The following SHCBP1L variants were observed in gnomAD, a reference collection of about 807,000 sequenced individuals.
SHCBP1L encodes SHC binding and spindle associated 1 like.
In SHCBP1L, 67 loss-of-function variants were observed where a neutral mutation model predicts 62.5. That is an observed-to-expected ratio of 1.07 (90% CI 0.88 to 1.31). The LOEUF (loss-of-function observed/expected upper bound fraction) is 1.31. SHCBP1L is among the 40% of genes most tolerant of loss of function. SHCBP1L has a pLI of 0.00. For missense variants in SHCBP1L, 823 were observed against 809.8 expected, an observed-to-expected ratio of 1.02 and a Z score of -0.20; for synonymous variants, 284 against 289.4, an observed-to-expected ratio of 0.98 and a Z score of 0.19.
chr1:182,907,567 T>C (rs1027155866), intron 6 of SHCBP1L, among the ~76,000 whole-genome samples: 2 of 150,236 alleles, frequency 1.3e-5, no homozygotes, highest in Non-Finnish European at 3.0e-5. Flanking sequence ...TTATTCTTAT[T>C]ATTATTATTA....
chr1:182,925,598 A>G lies in SHCBP1L; in HGVS notation c.1182+4049T>C, dbSNP rs141070574. ...TTTGGTGAGGACTGGAGAAATTGGA[A>G]CTCTAATACTTTGCAGATGACAATG... On this transcript the variant is annotated intron_variant, in intron 6 of 9. Coordinates refer to ENST00000367547, the MANE Select transcript of SHCBP1L (RefSeq NM_030933.4). Among the ~76,000 whole-genome samples the G allele has an allele frequency of 1.5e-3, 228 of 152,322 alleles. 1 individual carries two copies. The highest frequency in any genetic ancestry group is 5.2e-3 in the African/African-American group (215 of 41,574).
At chr1:182,925,182 C>T (rs773931179) in intron 6 of SHCBP1L, among the ~76,000 whole-genome samples, 4 of 151,934 alleles carry the variant, frequency 2.6e-5, no homozygotes, top group Admixed American at 6.6e-5. Flanking sequence ...ACAGTGATCA[C>T]GGACAGGCAA....
chr1:182,944,565 T>C (rs1238870511), intron 2 of SHCBP1L: 4 of 152,186 alleles, frequency 2.6e-5, no homozygotes, highest in Admixed American at 2.6e-4. Flanking sequence ...CCTCTAATTC[T>C]TGCTCCTCAG....
intron 6 of SHCBP1L, among the ~76,000 whole-genome samples, chr1:182,913,138 AAATT>A (rs921791629): frequency 1.3e-5 from 2 of 152,018 alleles, no homozygotes; most frequent in African/African-American, 2.4e-5. Flanking sequence ...CCATCTCAAA[AAATT>A]AATTAATTAA....
intron 2 of SHCBP1L, 86 bp from the exon 3 acceptor site, chr1:182,940,629 T>C (rs1651330533): frequency 1.8e-6 from 2 of 1,097,288 alleles, no homozygotes; most frequent in African/African-American, 3.2e-5. Flanking sequence ...GAGCTCATTA[T>C]AAAGTTTCTT....
intron 9 of SHCBP1L, among the ~76,000 whole-genome samples, chr1:182,900,673 C>T (rs901154346): frequency 6.6e-6 from 1 of 152,138 alleles, no homozygotes; most frequent in African/African-American, 2.4e-5. Context: ...CCTCGTGATC[C>T]ACCCGCCTTG....
intron 2 of SHCBP1L, among the ~76,000 whole-genome samples, chr1:182,943,761 A>AT (rs1651456960): frequency 1.3e-5 from 2 of 149,736 alleles, no homozygotes; most frequent in South Asian, 4.4e-4. Context: ...CCTAGTTTTG[A>AT]TTTTTTTCAG....
intron 6 of SHCBP1L, among the ~76,000 whole-genome samples, chr1:182,924,743 A>G (rs1367862000): frequency 9.9e-6 from 1 of 101,504 alleles, no homozygotes; most frequent in East Asian, 2.8e-4. Context: ...AAAGAAAGAA[A>G]GAAAGAAAGA....
In SHCBP1L at chr1:182,940,525, G is replaced by T. The variant is rs746372894; in HGVS notation, c.574C>A (p.Gln192Lys). Residue 192 changes from glutamine (Q) to lysine (K), a missense_variant, in exon 3 of 10, where the codon CAA (glutamine) becomes AAA (lysine). Gln to Lys is a moderately conservative substitution (Grantham distance 53). Transcript: ENST00000367547. ...ILVEVTCEPY[Q>K]DSSSRFKVTV... ...ACTTTGAAACGAGATGATGAGTCTT[G>T]GTATGGTTCACAAGTTACCTAAGAT... 1.9e-5 allele frequency: 30 copies of T among 1,613,500 alleles called. No homozygotes were observed. Among genetic ancestry groups the T allele is most frequent in the Admixed American group, 8.3e-5 (5 of 59,956 alleles).
chr1:182,939,305 T>G lies in SHCBP1L; in HGVS notation c.947A>C (p.Glu316Ala). Residue 316 changes from glutamate (E) to alanine (A), a missense_variant, in exon 5 of 10, where the codon GAG (glutamate) becomes GCG (alanine). Glu to Ala is a moderately radical substitution (Grantham distance 107). Coordinates refer to ENST00000367547, the MANE Select transcript of SHCBP1L (RefSeq NM_030933.4). ...AATATTGCTCTGATACTCAATGAGC[T>G]CGACACGTTTGTTTTTATATTTCTC... ...TLEKYKNKRV[E>A]LIEYQSNIKE... The G allele has an allele frequency of 6.2e-7, 1 of 1,614,024 alleles. No homozygotes were observed. The highest frequency in any genetic ancestry group is 8.5e-7 in the Non-Finnish European group (1 of 1,179,944).
intron 6 of SHCBP1L, among the ~76,000 whole-genome samples, chr1:182,911,097 C>A (rs960037910): frequency 1.3e-5 from 2 of 152,056 alleles, no homozygotes; most frequent in Non-Finnish European, 2.9e-5. Context: ...ACCATGTTGG[C>A]CAGGCTGGTC....
intron 6 of SHCBP1L, among the ~76,000 whole-genome samples, chr1:182,926,958 G>T (rs761510811): frequency 5.3e-5 from 8 of 150,110 alleles, no homozygotes; most frequent in Non-Finnish European, 1.2e-4. Context: ...CTACAGATGG[G>T]TTAAATAATT....
At chr1:182,914,711 C>T (rs1557992703) in intron 6 of SHCBP1L, among the ~76,000 whole-genome samples, 1 of 151,368 alleles carries the variant, frequency 6.6e-6, no homozygotes, top group South Asian at 2.1e-4. Flanking sequence ...GAAAGCACTG[C>T]GTAACAAAAA....
intron 9 of SHCBP1L, among the ~76,000 whole-genome samples, chr1:182,902,286 C>T (rs1362542736): frequency 2.0e-5 from 3 of 151,874 alleles, no homozygotes; most frequent in Admixed American, 6.6e-5. Context: ...CTCTTGACCT[C>T]GTGATCTGCT....
Position 182,953,037 on chromosome 1 carries a change from C to G in SHCBP1L, c.97G>C (p.Asp33His). The change falls in exon 1 of 10, where the codon GAC becomes CAC. Residue 33 changes from aspartate (D) to histidine (H), a missense_variant. Coordinates refer to ENST00000367547, the MANE Select transcript of SHCBP1L (RefSeq NM_030933.4). Reference sequence around the variant, plus strand: ...TTCAGGGTGGTCGCGGCCGCCGTGTCCCCGGAGACAGCGGAGGCGGACTTC... The same window carrying G: ...TTCAGGGTGGTCGCGGCCGCCGTGTGCCCGGAGACAGCGGAGGCGGACTTC... ...GEKSASAVSG[D>H]TAAATTLKGT... 2.6e-6 allele frequency: 4 copies of G among 1,544,836 alleles called. No individual in the cohort carries two copies. The highest frequency in any genetic ancestry group is 3.5e-6 in the Non-Finnish European group (4 of 1,150,376).
intron 5 of SHCBP1L, among the ~76,000 whole-genome samples, chr1:182,935,567 T>A (rs932430858): frequency 1.3e-5 from 2 of 152,230 alleles, no homozygotes; most frequent in East Asian, 1.9e-4. Flanking sequence ...TTCTTTGGGA[T>A]TTTCTACATA....
intron 7 of SHCBP1L, 97 bp from the exon 8 acceptor site, chr1:182,904,527 C>CTGTGTGAGTG: frequency 8.2e-7 from 1 of 1,213,370 alleles, no homozygotes; most frequent in East Asian, 2.6e-5. Flanking sequence ...AAGTTTTTCC[C>CTGTGTGAGTG]TGTGTGCGTG....
At position 182,952,938 on chromosome 1, in the gene SHCBP1L, C is replaced by A; in HGVS notation, c.196G>T (p.Ala66Ser). ...GGCAGGCGCTGGAGCCGCAGCCTGG[C>A]CGTCTCCCGGCCCGCTTTCCCCTTC... is the stretch of plus-strand genomic sequence containing the variant. ...PVKGKAGRET[A>S]RLRLQRLPAA... Residue 66 changes from alanine (A) to serine (S), a missense_variant, in exon 1 of 10, where the codon GCC becomes TCC. Physicochemically the swap from Ala to Ser is moderately conservative, Grantham distance 99. Coordinates refer to ENST00000367547, the MANE Select transcript of SHCBP1L (RefSeq NM_030933.4). 1 of 1,553,154 alleles carries A rather than the reference C, an allele frequency of 6.4e-7. No homozygotes were observed. Among genetic ancestry groups the A allele is most frequent in the Non-Finnish European group, 8.7e-7 (1 of 1,150,902 alleles).
chr1:182,934,176 G>C (rs984554686), intron 5 of SHCBP1L, among the ~76,000 whole-genome samples: 1 of 152,018 alleles, frequency 6.6e-6, no homozygotes, highest in Non-Finnish European at 1.5e-5. Flanking sequence ...GTGGACCTAA[G>C]TTTTCAAATT....
Sources: gnomAD v4.1 joint callset for allele counts (sites outside exome capture counted in the v4.1 genomes callset) on GRCh38, gnomAD v4.1.1 for gene constraint, MANE v1.5 for transcripts, NCBI Gene and HGNC (gene_info 2026-07-23, HGNC 2026-07-21) for gene names.